Variants in NLRP2 observed in about 807,000 individuals in gnomAD.
The protein encoded by NLRP2 is NACHT, LRR and PYD domains-containing protein 2.
NLRP2 carries 107 observed loss-of-function variants against 97.2 expected under a neutral mutation model. The observed-to-expected ratio is 1.10, with a 90% confidence interval of 0.94 to 1.29. NLRP2 has a LOEUF of 1.29. Ranked by LOEUF, NLRP2 falls within the 50% of genes most tolerant of loss-of-function variation. The pLI, the probability that NLRP2 is intolerant of heterozygous loss-of-function variation, is 0.00. For synonymous variants in NLRP2, 663 were observed against 551.5 expected, an observed-to-expected ratio of 1.20 and a Z score of -2.83; for missense variants, 1,495 against 1,330.3, an observed-to-expected ratio of 1.12 and a Z score of -1.93.
In NLRP2 at chr19:54,994,558, T is replaced by G. The variant is rs535091817; in HGVS notation, c.2879+119T>G. ...TATAATTGAGAGGACCTTTATAGAG[T>G]CGATCGAGCATTTACTAGGATGGTT... On this transcript the variant is annotated intron_variant, in intron 11 of 12. Coordinates refer to ENST00000448584, the MANE Select transcript of NLRP2 (RefSeq NM_017852.5). 25 of 1,030,180 alleles carry G rather than the reference T, an allele frequency of 2.4e-5. No individual in the cohort carries two copies. The African/African-American group carries it at 3.2e-4, about 13-fold the overall frequency. The allele number at this position is 1,030,180 out of a possible 1,614,324, so 63.8% of individuals were successfully genotyped here. A position where few individuals can be genotyped will look rare whatever the true frequency, so the allele number is the denominator to read the frequency against.
At chr19:54,992,556 C>CTTTTTTTTTTTTTTTTT (rs71181721) in intron 10 of NLRP2, among the ~76,000 whole-genome samples, 3 of 82,520 alleles carry the variant, frequency 3.6e-5, no homozygotes, top group East Asian at 9.6e-4. Context: ...GGGGGGTTTT[C>CTTTTTTTTTTTTTTTTT]TTTTTTTTTT....
intron 11 of NLRP2, among the ~76,000 whole-genome samples, chr19:54,996,062 ACAAAG>A (rs1363528460): frequency 7.7e-6 from 1 of 129,654 alleles, no homozygotes; most frequent in East Asian, 2.4e-4. Context: ...AACAAAAAAA[ACAAAG>A]GCGCCTTTTT....
At chr19:54,989,186 G>A (rs1254571745) in intron 8 of NLRP2, among the ~76,000 whole-genome samples, 4 of 151,390 alleles carry the variant, frequency 2.6e-5, no homozygotes, top group African/African-American at 9.7e-5. Context: ...TCAAACTCCT[G>A]ACCTCCTGAT....
rs906763214 is a variant in NLRP2 at position 54,974,674 on chromosome 19, C to T, written c.325+130C>T. On this transcript the variant is annotated intron_variant, in intron 3 of 12. Transcript: ENST00000448584. ...GGACTTAGCATCCCTGCTCCCAGGGCGGAGCTGGTCTCGCAGGTGCGTAGC... is the reference window on the plus strand; with the variant it reads ...GGACTTAGCATCCCTGCTCCCAGGGTGGAGCTGGTCTCGCAGGTGCGTAGC... 2.8e-5 allele frequency: 21 copies of T among 737,428 alleles called. No individual in the cohort carries two copies. The Admixed American group carries it at 3.3e-4, about 11-fold the overall frequency. 45.7% of individuals were successfully genotyped at this position (737,428 alleles called of 1,614,324 possible).
intron 11 of NLRP2, 81 bp from the exon 12 acceptor site, chr19:54,997,236 C>A: frequency 1.4e-6 from 2 of 1,427,834 alleles, no homozygotes; most frequent in East Asian, 2.3e-5. Flanking sequence ...AGATCCCCAA[C>A]ACACGAGGGT....
At chr19:54,999,371 T>G (rs921220666) in intron 12 of NLRP2, among the ~76,000 whole-genome samples, 7 of 152,172 alleles carry the variant, frequency 4.6e-5, no homozygotes, top group Non-Finnish European at 1.5e-5. Flanking sequence ...GGTCTCGAAC[T>G]CCTGACTTCA....
intron 4 of NLRP2, 95 bp downstream of exon 4, chr19:54,977,918 A>G: frequency 8.9e-7 from 1 of 1,121,172 alleles, no homozygotes; most frequent in South Asian, 1.3e-5. Context: ...ATCTCTCTCC[A>G]ATCTTTTCCT....
chr19:54,986,555 T>C (rs1200756672), intron 8 of NLRP2, among the ~76,000 whole-genome samples: 1 of 134,690 alleles, frequency 7.4e-6, no homozygotes, highest in Admixed American at 8.3e-5. Flanking sequence ...ATCTTTATCA[T>C]CTTTTTTTTT....
In NLRP2 at chr19:54,998,025, C is replaced by CTTTTTT. The variant is rs757893808; in HGVS notation, c.3050+550_3050+555dup. Among the ~76,000 whole-genome samples, 562 of 127,264 alleles carry CTTTTTT rather than the reference C, an allele frequency of 4.4e-3. 14 individuals carry two copies. The highest frequency in any genetic ancestry group is 0.014 in the African/African-American group (499 of 34,466). 83.5% of individuals were successfully genotyped at this position (127,264 alleles called of 152,430 possible). On this transcript the variant is annotated intron_variant, in intron 12 of 12. Coordinates refer to ENST00000448584, the MANE Select transcript of NLRP2 (RefSeq NM_017852.5). Reference sequence around the variant, plus strand: ...TGGGGTTTTGTTTTGTTTTTTCTTTCTTTTTTTTTTTTTTTTTCTGAGATG... The same window carrying CTTTTTT: ...TGGGGTTTTGTTTTGTTTTTTCTTTCTTTTTTTTTTTTTTTTTTTTTTTCTGAGATG...
upstream of NLRP2, chr19:54,966,229 ACAGG>A (rs558541601): frequency 3.7e-4 from 57 of 152,076 alleles, no homozygotes; most frequent in African/African-American, 1.3e-3. Context: ...GGTAAGTTTA[ACAGG>A]CAGTCAAGAT....
At chr19:54,985,677 C>CAA (rs113852885) in intron 7 of NLRP2, among the ~76,000 whole-genome samples, 6,547 of 67,350 alleles carry the variant, frequency 0.097, 317 homozygotes, top group East Asian at 0.27. Context: ...GACTGCGTCT[C>CAA]AAAAAAAAAA....
At position 54,993,740 on chromosome 19, in the gene NLRP2, C is replaced by CACA. The variant is rs35700016; in HGVS notation, c.2709-529_2709-528insACA. On this transcript the variant is annotated intron_variant, in intron 10 of 12. Transcript: ENST00000448584. ...CGCGCATGTGTGTACACACACACAC[C>CACA]CCCCTGTAATCCCAGCTACTCGGAA... 242 of 228,492 alleles carry CACA rather than the reference C, an allele frequency of 1.1e-3. 3 individuals carry two copies. The highest frequency in any genetic ancestry group is 3.0e-3 in the South Asian group (45 of 15,216). 14.2% of individuals were successfully genotyped at this position (228,492 alleles called of 1,614,324 possible). A position where few individuals can be genotyped will look rare whatever the true frequency, so the allele number is the denominator to read the frequency against.
In NLRP2 at chr19:54,970,311, T is replaced by C; in HGVS notation, c.280+16T>C. On this transcript the variant is annotated intron_variant, in intron 2 of 12. Transcript: ENST00000448584. ...GAAGTCAGAGGTGAGTGGAAATCGGTCCACACTGTGTCCTAGGAGGAAGCA... is the reference window on the plus strand; with the variant it reads ...GAAGTCAGAGGTGAGTGGAAATCGGCCCACACTGTGTCCTAGGAGGAAGCA... The C allele has an allele frequency of 1.4e-5, 22 of 1,613,882 alleles. No individual in the cohort carries two copies. Among genetic ancestry groups the C allele is most frequent in the Non-Finnish European group, 1.9e-5 (22 of 1,179,852 alleles).
intron 12 of NLRP2, among the ~76,000 whole-genome samples, chr19:54,998,611 C>CTTTTTTTTTTTTCCTTTTTTTTTTTTTTT (rs2072981241): frequency 2.4e-5 from 1 of 42,198 alleles, no homozygotes. Flanking sequence ...CATCTTTTTT[C>CTTTTTTTTTTTTCCTTTTTTTTTTTTTTT]TTTTTTTTTT....
chr19:54,991,085 A>G (rs1602413758), intron 10 of NLRP2: 2 of 210,058 alleles, frequency 9.5e-6, no homozygotes, highest in East Asian at 1.1e-4. Context: ...TCTTAGAACT[A>G]TAACTGTAAC....
rs953612965 is a variant in NLRP2, at chr19:55,001,015, G to A, written c.*117G>A. On this transcript the variant is annotated 3_prime_UTR_variant, in exon 13 of 13. Transcript: ENST00000448584. ...CTCAGGGATAATGAGTTCATTGCTG[G>A]GCTAGATGTTTTAGCCATGATTCTG... The A allele has an allele frequency of 3.3e-5, 30 of 898,264 alleles. No individual in the cohort carries two copies. Among genetic ancestry groups the A allele is most frequent in the Non-Finnish European group, 5.4e-5 (30 of 552,600 alleles). The allele number at this position is 898,264 out of a possible 1,614,324, so 55.6% of individuals were successfully genotyped here.
chr19:54,986,509 A>G (rs971583173), intron 8 of NLRP2, 194 bp downstream of exon 8: 9 of 626,606 alleles, frequency 1.4e-5, no homozygotes, highest in African/African-American at 1.3e-4. Context: ...CTGGACAACC[A>G]TACGTGAGGA....
At chr19:54,969,073 C>T (rs1201127945) in intron 1 of NLRP2, among the ~76,000 whole-genome samples, 2 of 152,096 alleles carry the variant, frequency 1.3e-5, no homozygotes, top group South Asian at 2.1e-4. Flanking sequence ...ACGTAGCTCC[C>T]CACTTCCTTA....
At chr19:54,989,033 C>T (rs896979904) in intron 8 of NLRP2, among the ~76,000 whole-genome samples, 1 of 152,000 alleles carries the variant, frequency 6.6e-6, no homozygotes, top group African/African-American at 2.4e-5. Context: ...TCTCGGCTTA[C>T]TGCAACCTCC....
Sources: gnomAD v4.1 joint callset for allele counts (sites outside exome capture counted in the v4.1 genomes callset) on GRCh38, gnomAD v4.1.1 for gene constraint, MANE v1.5 for transcripts, NCBI Gene and HGNC (gene_info 2026-07-23, HGNC 2026-07-21) for gene names.